Variants in GNAQ observed in about 807,000 individuals in gnomAD.
The protein encoded by GNAQ is G protein subunit alpha q.
GNAQ carries 8 observed loss-of-function variants against 43.9 expected under a neutral mutation model. The observed-to-expected ratio is 0.18, with a 90% CI of 0.11 to 0.33. GNAQ has a LOEUF of 0.33. Ranked by LOEUF, GNAQ falls within the 10% of genes least tolerant of loss-of-function variation. The probability of loss-of-function intolerance (pLI) is 1.00; values close to 1 mark genes in which losing one functional copy is unlikely to be tolerated. For missense variants in GNAQ, 158 were observed against 450.8 expected (o/e 0.35, Z 5.88); for synonymous variants, 155 against 170.7 (o/e 0.91, Z 0.71).
chr9:77,924,170 C>A (rs891686590), intron 1 of GNAQ, among the ~76,000 whole-genome samples: 3 of 152,176 alleles, frequency 2.0e-5, no homozygotes, highest in Non-Finnish European at 2.9e-5. Flanking sequence ...CCCAGTTTAA[C>A]AGGATTAATC....
intron 1 of GNAQ, among the ~76,000 whole-genome samples, chr9:77,986,474 A>G (rs891814489): frequency 5.3e-5 from 8 of 152,112 alleles, no homozygotes; most frequent in Non-Finnish European, 7.3e-5. Flanking sequence ...TCCTCCTACC[A>G]TCATTCTTTC....
At chr9:77,959,772 T>C (rs912650100) in intron 1 of GNAQ, among the ~76,000 whole-genome samples, 74 of 152,206 alleles carry the variant, frequency 4.9e-4, no homozygotes, top group African/African-American at 1.7e-3. Flanking sequence ...AGAGTCTCCT[T>C]TCCAAACGAC....
intron 1 of GNAQ, among the ~76,000 whole-genome samples, chr9:77,942,432 G>A (rs1217206193): frequency 6.6e-6 from 1 of 152,190 alleles, no homozygotes; most frequent in African/African-American, 2.4e-5. Context: ...ATTCTGCAGT[G>A]ATCCATCACT....
At chr9:77,847,326 G>C (rs1827603311) in intron 2 of GNAQ, among the ~76,000 whole-genome samples, 1 of 152,208 alleles carries the variant, frequency 6.6e-6, no homozygotes, top group Non-Finnish European at 1.5e-5. Flanking sequence ...CAAACCCACA[G>C]TAATAACATA....
At chr9:77,761,545 G>T in intron 5 of GNAQ, among the ~76,000 whole-genome samples, 1 of 144,336 alleles carries the variant, frequency 6.9e-6, no homozygotes, top group Non-Finnish European at 1.5e-5. Context: ...CGGGAGGGAG[G>T]TGGGGGGGTC....
chr9:77,832,953 CTTTATTT>C (rs371350044), intron 2 of GNAQ, among the ~76,000 whole-genome samples: 1,826 of 152,116 alleles, frequency 0.012, 32 homozygotes, highest in African/African-American at 0.04. Flanking sequence ...AGGAAAGGCA[CTTTATTT>C]TTTATTTTTA....
chr9:77,837,991 G>A (rs2118569464), intron 2 of GNAQ, among the ~76,000 whole-genome samples: 1 of 151,930 alleles, frequency 6.6e-6, no homozygotes, highest in East Asian at 1.9e-4. Flanking sequence ...CTGAGTAGCT[G>A]GAACTACAGG....
At chr9:77,737,678 T>C (rs557066413) in intron 5 of GNAQ, among the ~76,000 whole-genome samples, 32 of 152,304 alleles carry the variant, frequency 2.1e-4, no homozygotes, top group African/African-American at 6.3e-4. Flanking sequence ...CCTTGGGATA[T>C]TGCACCAAAC....
At chr9:77,764,910 AAGG>A (rs1337945728) in intron 5 of GNAQ, among the ~76,000 whole-genome samples, 2 of 152,194 alleles carry the variant, frequency 1.3e-5, no homozygotes, top group South Asian at 4.1e-4. Flanking sequence ...CTCATTTTAC[AAGG>A]AGAAGGTTGA....
At chr9:78,011,151 A>T (rs1823768039) in intron 1 of GNAQ, among the ~76,000 whole-genome samples, 1 of 152,232 alleles carries the variant, frequency 6.6e-6, no homozygotes, top group South Asian at 2.1e-4. Context: ...GAGAAGGACA[A>T]ACAGAATCAG....
rs145402476 is a variant in GNAQ, at chr9:77,948,354, T to C, written c.137-26009A>G. ...GAACCTCACTGGACTGCAGGCTCAC[T>C]ATCCCAACACAGGACACAAACTGCT... On this transcript the variant is annotated intron_variant, in intron 1 of 6. Coordinates refer to ENST00000286548, the MANE Select transcript of GNAQ (RefSeq NM_002072.5). Among the ~76,000 whole-genome samples, 218 of 152,328 alleles carry C rather than the reference T, an allele frequency of 1.4e-3. 1 individual carries two copies. The highest frequency in any genetic ancestry group is 5.1e-3 in the African/African-American group (212 of 41,582).
At chr9:77,786,342 T>G (rs1826478561) in intron 5 of GNAQ, among the ~76,000 whole-genome samples, 1 of 136,354 alleles carries the variant, frequency 7.3e-6, no homozygotes, top group Non-Finnish European at 1.5e-5. Flanking sequence ...GGTGACAGAG[T>G]GAGACTCTGT....
At chr9:77,946,708 A>G (rs1822904432) in intron 1 of GNAQ, among the ~76,000 whole-genome samples, 1 of 152,226 alleles carries the variant, frequency 6.6e-6, no homozygotes, top group Admixed American at 6.5e-5. Context: ...ATAACAGTGT[A>G]TTTCTGATGC....
intron 5 of GNAQ, among the ~76,000 whole-genome samples, chr9:77,736,112 T>C (rs199595834): frequency 6.6e-6 from 1 of 152,218 alleles, no homozygotes; most frequent in African/African-American, 2.4e-5. Flanking sequence ...AGTTAATTTA[T>C]CCACGTTATC....
intron 5 of GNAQ, among the ~76,000 whole-genome samples, chr9:77,754,647 T>A (rs1041242865): frequency 6.6e-6 from 1 of 152,140 alleles, no homozygotes; most frequent in African/African-American, 2.4e-5. Flanking sequence ...GCACAGGAGC[T>A]GGGGATCAAG....
chr9:77,922,063 T>TA, intron 2 of GNAQ, 98 bp downstream of exon 2: 1 of 691,504 alleles, frequency 1.4e-6, no homozygotes, highest in Non-Finnish European at 2.5e-6. Flanking sequence ...CAAACCCCCC[T>TA]ATGCACTCCA....
chr9:77,827,825 A>AT (rs1033493284), intron 2 of GNAQ, among the ~76,000 whole-genome samples: 10 of 152,120 alleles, frequency 6.6e-5, no homozygotes, highest in African/African-American at 2.4e-4. Flanking sequence ...GTTAAAAAAT[A>AT]TATGAGTTAG....
intron 1 of GNAQ, among the ~76,000 whole-genome samples, chr9:77,940,913 G>A (rs956354476): frequency 5.3e-5 from 8 of 150,736 alleles, no homozygotes; most frequent in African/African-American, 2.0e-4. Context: ...GCAGTGAGCC[G>A]AGATCACACC....
intron 1 of GNAQ, among the ~76,000 whole-genome samples, chr9:77,994,154 C>G (rs1823541384): frequency 6.6e-6 from 1 of 151,990 alleles, no homozygotes; most frequent in South Asian, 2.1e-4. Context: ...GTAGCTGGGA[C>G]TACAGGTGCA....
Sources: allele counts gnomAD v4.1 joint callset (sites outside exome capture counted in the v4.1 genomes callset), GRCh38; gene constraint gnomAD v4.1.1; transcripts MANE v1.5; gene names NCBI Gene and HGNC (gene_info 2026-07-23, HGNC 2026-07-21).